Variants in SEC61A2 observed in about 807,000 individuals in gnomAD.
SEC61A2 encodes the protein protein transport protein Sec61 subunit alpha isoform 2.
A neutral mutation model predicts 59.9 loss-of-function variants in SEC61A2; 28 were observed. That is an observed-to-expected ratio of 0.47 (90% CI 0.35 to 0.64). SEC61A2 has a LOEUF of 0.64. SEC61A2 is among the 30% of genes least tolerant of loss of function. SEC61A2 has a pLI of 0.01. For missense variants in SEC61A2, 340 were observed against 585.9 expected (o/e 0.58, Z 4.33); for synonymous variants, 202 against 214.4 (o/e 0.94, Z 0.50).
Position 12,154,517 on chromosome 10 carries a change from A to C in SEC61A2, c.463-1261A>C, listed in dbSNP as rs1228583421. On this transcript the variant is annotated intron_variant, in intron 6 of 11. Coordinates refer to ENST00000298428, the MANE Select transcript of SEC61A2 (RefSeq NM_018144.4). This position sits in a 1 kb window ranked among gnomAD's most constrained non-coding sequence, Gnocchi z 5.2. ...TGGGGAGTCTCTGTTCACTAATTAC[A>C]TGATTGTGGTTAAATAGAATCGGTA... Among the ~76,000 whole-genome samples, 1 of 152,156 alleles carries C rather than the reference A, an allele frequency of 6.6e-6. No individual in the cohort carries two copies. Among genetic ancestry groups the C allele is most frequent in the Non-Finnish European group, 1.5e-5 (1 of 68,036 alleles).
chr10:12,160,318 C>T lies in SEC61A2; in HGVS notation c.976-612C>T, dbSNP rs1014539642. On this transcript the variant is annotated intron_variant, in intron 9 of 11. Coordinates refer to ENST00000298428, the MANE Select transcript of SEC61A2 (RefSeq NM_018144.4). This position sits in a 1 kb window ranked among gnomAD's most constrained non-coding sequence, Gnocchi z 4.1. ...TTCAAGAACCAGATACTGTAATCAT[C>T]GCAACTAAAAATTGGTTTCTCACCC... 8.5e-5 allele frequency among the ~76,000 whole-genome samples: 13 copies of T among 152,064 alleles called. No homozygotes were observed. The highest frequency in any genetic ancestry group is 2.2e-4 in the African/African-American group (9 of 41,384).
Position 12,164,874 on chromosome 10 carries a change from T to C in SEC61A2, c.*420T>C. On this transcript the variant is annotated 3_prime_UTR_variant, in exon 12 of 12. Transcript: ENST00000298428. This position sits in a 1 kb window ranked among gnomAD's most constrained non-coding sequence, Gnocchi z 7.3. Reference sequence around the variant, plus strand: ...TATTTAATGAGTTCTGGAACATTTATATCTAATCTATATTTTAGATAATTA... The same window carrying C: ...TATTTAATGAGTTCTGGAACATTTACATCTAATCTATATTTTAGATAATTA... 1 of 980,082 alleles carries C rather than the reference T, an allele frequency of 1.0e-6. No individual in the cohort carries two copies. The highest frequency in any genetic ancestry group is 1.2e-6 in the Non-Finnish European group (1 of 824,148). The allele number at this position is 980,082 out of a possible 1,614,324, so 60.7% of individuals were successfully genotyped here.
Position 12,162,159 on chromosome 10 carries a change from T to C in SEC61A2, c.1168-54T>C. 2.2e-6 allele frequency: 3 copies of C among 1,388,070 alleles called. No homozygotes were observed. In the South Asian group the frequency reaches 3.5e-5, roughly 16 times the overall value. The allele number at this position is 1,388,070 out of a possible 1,614,324, so 86.0% of individuals were successfully genotyped here. ...AGCACTTCGCATAGAACGTGGTAGA[T>C]GTAAGCAGTGAAATGTTCCAGTTGG... On this transcript the variant is annotated intron_variant, in intron 10 of 11. Transcript: ENST00000298428. This position sits in a 1 kb window ranked among gnomAD's most constrained non-coding sequence, Gnocchi z 6.1.
Position 12,162,158 on chromosome 10 carries a change from A to G in SEC61A2, c.1168-55A>G. The G allele has an allele frequency of 2.2e-6, 3 of 1,374,394 alleles. No homozygotes were observed. The highest frequency in any genetic ancestry group is 3.1e-6 in the Non-Finnish European group (3 of 962,438). The allele number at this position is 1,374,394 out of a possible 1,614,324, so 85.1% of individuals were successfully genotyped here. On this transcript the variant is annotated intron_variant, in intron 10 of 11. Coordinates refer to ENST00000298428, the MANE Select transcript of SEC61A2 (RefSeq NM_018144.4). The surrounding 1 kb of genome is among the most constrained non-coding windows in gnomAD (Gnocchi z 6.1). ...GAGCACTTCGCATAGAACGTGGTAG[A>G]TGTAAGCAGTGAAATGTTCCAGTTG... is the stretch of plus-strand genomic sequence containing the variant.
Position 12,160,340 on chromosome 10 carries a change from AC to A in SEC61A2, c.976-585del, listed in dbSNP as rs1317444744. Among the ~76,000 whole-genome samples the A allele has an allele frequency of 1.3e-5, 2 of 152,132 alleles. No homozygotes were observed. The highest frequency in any genetic ancestry group is 2.4e-5 in the African/African-American group (1 of 41,430). On this transcript the variant is annotated intron_variant, in intron 9 of 11. Coordinates refer to ENST00000298428, the MANE Select transcript of SEC61A2 (RefSeq NM_018144.4). The surrounding 1 kb of genome is among the most constrained non-coding windows in gnomAD (Gnocchi z 4.1). ...CATCGCAACTAAAAATTGGTTTCTC[AC>A]CCCCTATCTGTATACCCCAAAACTT...
At position 12,154,761 on chromosome 10, in the gene SEC61A2, TA is replaced by T. The variant is rs1321795593; in HGVS notation, c.463-1013del. Among the ~76,000 whole-genome samples the T allele has an allele frequency of 6.6e-6, 1 of 152,106 alleles. No individual in the cohort carries two copies. Among genetic ancestry groups the T allele is most frequent in the Non-Finnish European group, 1.5e-5 (1 of 68,034 alleles). On this transcript the variant is annotated intron_variant, in intron 6 of 11. Coordinates refer to ENST00000298428, the MANE Select transcript of SEC61A2 (RefSeq NM_018144.4). This position sits in a 1 kb window ranked among gnomAD's most constrained non-coding sequence, Gnocchi z 5.2. ...CAACACTGTGTAAGGTAAGCATGCC[TA>T]AAATGGTCTCATGTGGTTACTTTGG...
At chr10:12,166,460 A>G, downstream of SEC61A2, 1 of 236,982 alleles carries the variant, frequency 4.2e-6, no homozygotes, top group African/African-American at 2.3e-5. Context: ...GTATTTCCAT[A>G]ATTGTTTTAT....
At chr10:12,169,225 T>G, downstream of SEC61A2, 2 of 1,447,470 alleles carry the variant, frequency 1.4e-6, no homozygotes, top group Non-Finnish European at 9.5e-7. The surrounding 1 kb of genome is among the most constrained non-coding windows in gnomAD (Gnocchi z 4.8). Context: ...CCACCTCCCC[T>G]CACTTATTCT....
At position 12,147,632 on chromosome 10, in the gene SEC61A2, C is replaced by T. The variant is rs527885301; in HGVS notation, c.221-1963C>T. Among the ~76,000 whole-genome samples the T allele has an allele frequency of 2.1e-3, 319 of 151,104 alleles. 3 individuals carry two copies. Among genetic ancestry groups the T allele is most frequent in the African/African-American group, 7.4e-3 (305 of 41,088 alleles). On this transcript the variant is annotated intron_variant, in intron 4 of 11. Coordinates refer to ENST00000298428, the MANE Select transcript of SEC61A2 (RefSeq NM_018144.4). ...TCCAGGAGGTGGAGGTTGCAGTGAG[C>T]CAAGATCGTGCCATTGTACTCCAGC...
At chr10:12,139,604 G>A (rs1293507361) in intron 3 of SEC61A2, among the ~76,000 whole-genome samples, 8 of 152,116 alleles carry the variant, frequency 5.3e-5, no homozygotes, top group African/African-American at 1.9e-4. Flanking sequence ...CTAACACAGT[G>A]AAACCCCATC....
chr10:12,157,358 G>A (rs1834422330), intron 8 of SEC61A2, among the ~76,000 whole-genome samples: 2 of 151,794 alleles, frequency 1.3e-5, no homozygotes, highest in African/African-American at 4.8e-5. Flanking sequence ...TTCCTGAGAC[G>A]GAGTTTTGCT....
rs927187791 is a variant in SEC61A2 at position 12,162,719 on chromosome 10, A to G, written c.1244+430A>G. On this transcript the variant is annotated intron_variant, in intron 11 of 11. Coordinates refer to ENST00000298428, the MANE Select transcript of SEC61A2 (RefSeq NM_018144.4). The surrounding 1 kb of genome is among the most constrained non-coding windows in gnomAD (Gnocchi z 6.1). ...AGTATATTGTTCAGTGTTTTTTAGT[A>G]TATTCAGACTTGTACAGTCATAAGT... Among the ~76,000 whole-genome samples the G allele has an allele frequency of 2.0e-5, 3 of 152,196 alleles. No individual in the cohort carries two copies. Among genetic ancestry groups the G allele is most frequent in the Non-Finnish European group, 2.9e-5 (2 of 68,040 alleles).
intron 2 of SEC61A2, among the ~76,000 whole-genome samples, chr10:12,134,609 G>C (rs1833841514): frequency 6.6e-6 from 1 of 152,118 alleles, no homozygotes. Context: ...TGTTGTAGCT[G>C]CTACTGAGGT....
intron 4 of SEC61A2, among the ~76,000 whole-genome samples, chr10:12,148,471 C>G (rs1239632731): frequency 6.6e-6 from 1 of 151,506 alleles, no homozygotes; most frequent in Non-Finnish European, 1.5e-5. Context: ...TCTCGAACTC[C>G]TGACCTTAGG....
chr10:12,162,411 C>A lies in SEC61A2; in HGVS notation c.1244+122C>A. On this transcript the variant is annotated intron_variant, in intron 11 of 11. Transcript: ENST00000298428. This position sits in a 1 kb window ranked among gnomAD's most constrained non-coding sequence, Gnocchi z 6.1. ...AACCCTTCTATTCACACAGATGAAT[C>A]AAAATTTCACACAAAACTTGTTTTC... 1.1e-6 allele frequency: 1 copy of A among 890,314 alleles called. No homozygotes were observed. The highest frequency in any genetic ancestry group is 1.7e-5 in the Admixed American group (1 of 58,982). 55.2% of individuals were successfully genotyped at this position (890,314 alleles called of 1,614,324 possible). A position where few individuals can be genotyped will look rare whatever the true frequency, so the allele number is the denominator to read the frequency against.
rs777480471 is a variant in SEC61A2, at chr10:12,164,429, G to T, written c.1406G>T (p.Gly469Val). ...EIFVKEQAEVGGMGALFF is the reference protein window; with the variant it reads ...EIFVKEQAEVVGMGALFF ...TTTGTTAAAGAACAGGCCGAAGTTG[G>T]TGGGATGGGTGCTTTGTTTTTCTAA... The change falls in exon 12 of 12, where the codon GGT (glycine) becomes GTT (valine). Residue 469 changes from glycine (G) to valine (V), a missense_variant. Physicochemically the swap from Gly to Val is moderately radical, Grantham distance 109. Transcript: ENST00000298428. This position sits in a 1 kb window ranked among gnomAD's most constrained non-coding sequence, Gnocchi z 7.3. 6.2e-7 allele frequency: 1 copy of T among 1,613,064 alleles called. No individual in the cohort carries two copies. Among genetic ancestry groups the T allele is most frequent in the Non-Finnish European group, 8.5e-7 (1 of 1,179,544 alleles).
intron 1 of SEC61A2, among the ~76,000 whole-genome samples, chr10:12,133,040 A>G (rs1351411518): frequency 1.3e-5 from 2 of 152,214 alleles, no homozygotes; most frequent in Admixed American, 1.3e-4. Flanking sequence ...CCATCAAACC[A>G]TTTGGACTTC....
At position 12,145,174 on chromosome 10, in the gene SEC61A2, A is replaced by G. The variant is rs1034972414; in HGVS notation, c.220+1979A>G. Among the ~76,000 whole-genome samples, 15 of 152,116 alleles carry G rather than the reference A, an allele frequency of 9.9e-5. No homozygotes were observed. Among genetic ancestry groups the G allele is most frequent in the Admixed American group, 6.6e-4 (10 of 15,258 alleles). ...TCATGAAGGGCTTGGAGACCGTTGG[A>G]TGGAGCACATTTTAAGGAAGATGGG... On this transcript the variant is annotated intron_variant, in intron 4 of 11. Transcript: ENST00000298428. The surrounding 1 kb of genome is among the most constrained non-coding windows in gnomAD (Gnocchi z 4.4).
chr10:12,167,586 TTTTA>T, downstream of SEC61A2: 1 of 999,750 alleles, frequency 1.0e-6, no homozygotes, highest in East Asian at 2.5e-5. Flanking sequence ...TGTTCTGTGC[TTTTA>T]TTTTACGAAA....
Sources: gnomAD v4.1 joint callset for allele counts (sites outside exome capture counted in the v4.1 genomes callset) on GRCh38, gnomAD v4.1.1 for gene constraint, Gnocchi (gnomAD v3.1) non-coding constraint, MANE v1.5 for transcripts, NCBI Gene and HGNC (gene_info 2026-07-23, HGNC 2026-07-21) for gene names.